The following INPP4B variants were observed in gnomAD, a reference collection of about 807,000 sequenced individuals.
INPP4B encodes the protein inositol polyphosphate 4-phosphatase type II.
Under a neutral mutation model 122.5 loss-of-function variants are expected in INPP4B, and 55 were observed. That is an observed-to-expected ratio of 0.45 (90% CI 0.36 to 0.56). The LOEUF (loss-of-function observed/expected upper bound fraction) is 0.56. INPP4B is among the 20% of genes least tolerant of loss of function. The probability of loss-of-function intolerance (pLI) is 0.00; values close to 1 mark genes in which losing one functional copy is unlikely to be tolerated. For missense variants in INPP4B, 1,000 were observed against 1,097.7 expected (o/e 0.91, Z 1.26); for synonymous variants, 403 against 388.7 (o/e 1.04, Z -0.43).
intron 16 of INPP4B, among the ~76,000 whole-genome samples, chr4:142,162,196 A>G (rs746112768): frequency 6.6e-6 from 1 of 151,720 alleles, no homozygotes; most frequent in South Asian, 2.1e-4. Flanking sequence ...AGAATAAAAG[A>G]TTGAAAAATA....
At chr4:142,702,547 G>A (rs968220017) in intron 2 of INPP4B, among the ~76,000 whole-genome samples, 2 of 151,986 alleles carry the variant, frequency 1.3e-5, no homozygotes, top group African/African-American at 4.8e-5. Context: ...CAACAATGGA[G>A]AAACCCCATC....
At chr4:142,341,787 G>A (rs1778778065) in intron 7 of INPP4B, among the ~76,000 whole-genome samples, 1 of 139,932 alleles carries the variant, frequency 7.1e-6, no homozygotes, top group African/African-American at 2.4e-5. Flanking sequence ...GGGTCATATG[G>A]CAAGAAATTG....
intron 25 of INPP4B, among the ~76,000 whole-genome samples, chr4:142,054,178 A>G (rs1284733152): frequency 6.6e-6 from 1 of 152,004 alleles, no homozygotes; most frequent in Non-Finnish European, 1.5e-5. Flanking sequence ...ACCTCTGTTA[A>G]GTATAAAGTA....
intron 2 of INPP4B, among the ~76,000 whole-genome samples, chr4:142,652,172 C>G (rs990028222): frequency 4.6e-5 from 7 of 152,224 alleles, no homozygotes; most frequent in African/African-American, 1.2e-4. Context: ...ATTCGACAGC[C>G]CTTCATGCTA....
chr4:142,543,618 G>A (rs950366724), intron 2 of INPP4B, among the ~76,000 whole-genome samples: 9 of 151,850 alleles, frequency 5.9e-5, no homozygotes, highest in Admixed American at 4.6e-4. Flanking sequence ...TTCTAATGAC[G>A]TTCAGTAATG....
chr4:142,740,121 G>C (rs1767689425), intron 1 of INPP4B, among the ~76,000 whole-genome samples: 1 of 151,856 alleles, frequency 6.6e-6, no homozygotes, highest in African/African-American at 2.4e-5. Flanking sequence ...TATTCTTCTA[G>C]GATTCAACAA....
intron 17 of INPP4B, among the ~76,000 whole-genome samples, chr4:142,150,631 G>A (rs1813372596): frequency 6.6e-6 from 1 of 152,150 alleles, no homozygotes; most frequent in Non-Finnish European, 1.5e-5. Context: ...ATTTCACTCT[G>A]AGTCAGGTGC....
intron 12 of INPP4B, among the ~76,000 whole-genome samples, chr4:142,229,978 A>C (rs553046023): frequency 3.3e-5 from 5 of 152,302 alleles, no homozygotes; most frequent in African/African-American, 1.2e-4. Flanking sequence ...ATGGGAAGTA[A>C]GCTATTTAAA....
At chr4:142,482,001 A>G (rs1265116807) in intron 2 of INPP4B, among the ~76,000 whole-genome samples, 1 of 152,126 alleles carries the variant, frequency 6.6e-6, no homozygotes, top group East Asian at 1.9e-4. Context: ...GCTATTCTCA[A>G]TTTCATGAAT....
chr4:142,441,432 G>A (rs766685820), intron 3 of INPP4B, among the ~76,000 whole-genome samples: 1 of 152,108 alleles, frequency 6.6e-6, no homozygotes, highest in Non-Finnish European at 1.5e-5. Flanking sequence ...CCTATCAGGA[G>A]AGAATAAAAG....
chr4:142,110,903 C>T (rs1022613852), intron 22 of INPP4B, among the ~76,000 whole-genome samples: 1 of 152,114 alleles, frequency 6.6e-6, no homozygotes, highest in Non-Finnish European at 1.5e-5. Flanking sequence ...TCTCATATCT[C>T]TCTCAAGATC....
intron 2 of INPP4B, among the ~76,000 whole-genome samples, chr4:142,498,548 G>A (rs1403167898): frequency 6.6e-6 from 1 of 152,042 alleles, no homozygotes; most frequent in Non-Finnish European, 1.5e-5. Flanking sequence ...CAGCATTTTG[G>A]GAGGTGGAGG....
intron 11 of INPP4B, among the ~76,000 whole-genome samples, chr4:142,247,246 T>G (rs1729356715): frequency 6.6e-6 from 1 of 152,160 alleles, no homozygotes; most frequent in Admixed American, 6.5e-5. Flanking sequence ...GATATTGGCC[T>G]GAAATTTTCT....
rs146756993 is a variant in INPP4B at position 142,517,487 on chromosome 4, C to T, written c.-190-54761G>A. 4.5e-3 allele frequency among the ~76,000 whole-genome samples: 686 copies of T among 152,202 alleles called. 6 individuals are homozygous for T. The highest frequency in any genetic ancestry group is 0.016 in the African/African-American group (658 of 41,532). On this transcript the variant is annotated intron_variant, in intron 2 of 25. Coordinates refer to ENST00000262992, the MANE Select transcript of INPP4B (RefSeq NM_001101669.3). ...CCCGGAACTGGGTAGTAAAATACATCCAGGAAATGTAATCCTATGGAGCAA... is the reference window on the plus strand; with the variant it reads ...CCCGGAACTGGGTAGTAAAATACATTCAGGAAATGTAATCCTATGGAGCAA...
chr4:142,551,233 T>C (rs1182637826), intron 2 of INPP4B, among the ~76,000 whole-genome samples: 1 of 152,216 alleles, frequency 6.6e-6, no homozygotes, highest in East Asian at 1.9e-4. Flanking sequence ...CATGTGTTTC[T>C]GAGGGAGTTG....
chr4:142,810,618 C>G (rs181235605), intron 1 of INPP4B, among the ~76,000 whole-genome samples: 1 of 152,166 alleles, frequency 6.6e-6, no homozygotes, highest in African/African-American at 2.4e-5. Context: ...AATCAGCTCA[C>G]CTAACATCTA....
chr4:142,223,842 AT>A (rs373281474), intron 12 of INPP4B, among the ~76,000 whole-genome samples: 5 of 152,118 alleles, frequency 3.3e-5, no homozygotes, highest in East Asian at 3.9e-4. Context: ...TTTAATGCAT[AT>A]TTTTTTTGGA....
At chr4:142,229,490 C>CCTG (rs1469192442) in intron 12 of INPP4B, among the ~76,000 whole-genome samples, 1 of 152,052 alleles carries the variant, frequency 6.6e-6, no homozygotes, top group African/African-American at 2.4e-5. Context: ...TGAATACCGC[C>CCTG]CTGCTTTCCA....
chr4:142,601,192 T>A (rs896169856), intron 2 of INPP4B, among the ~76,000 whole-genome samples: 2 of 152,102 alleles, frequency 1.3e-5, no homozygotes, highest in African/African-American at 4.8e-5. Context: ...AAAACCGGAC[T>A]TTAGATCAAA....
Sources: gnomAD v4.1 joint callset for allele counts (sites outside exome capture counted in the v4.1 genomes callset) on GRCh38, gnomAD v4.1.1 for gene constraint, MANE v1.5 for transcripts, NCBI Gene and HGNC (gene_info 2026-07-23, HGNC 2026-07-21) for gene names.